Variants in TAFA2 observed in about 807,000 individuals in gnomAD.
TAFA2 encodes chemokine-like protein TAFA-2.
TAFA2 carries 7 observed loss-of-function variants against 18.8 expected under a neutral mutation model. That is an observed-to-expected ratio of 0.37 (90% CI 0.21 to 0.70). The LOEUF is 0.70. Among genes scored for constraint, TAFA2 ranks in the 30% least tolerant of loss-of-function variants. TAFA2 has a pLI of 0.53. For missense variants in TAFA2, 122 were observed against 158.1 expected, an observed-to-expected ratio of 0.77 and a Z score of 1.23; for synonymous variants, 60 against 54.2, an observed-to-expected ratio of 1.11 and a Z score of -0.47.
At chr12:61,949,526 C>T (rs1878393471) in intron 1 of TAFA2, among the ~76,000 whole-genome samples, 1 of 152,172 alleles carries the variant, frequency 6.6e-6, no homozygotes, top group Non-Finnish European at 1.5e-5. Flanking sequence ...AAATGTCATA[C>T]AGCCGGTCAA....
chr12:61,846,948 C>A (rs912679234), intron 2 of TAFA2, among the ~76,000 whole-genome samples: 1 of 152,138 alleles, frequency 6.6e-6, no homozygotes, highest in Non-Finnish European at 1.5e-5. Flanking sequence ...GTGATCATAG[C>A]TTGCAGTCTT....
At chr12:62,083,868 CT>C (rs1450620876) in intron 1 of TAFA2, among the ~76,000 whole-genome samples, 1 of 152,168 alleles carries the variant, frequency 6.6e-6, no homozygotes, top group East Asian at 1.9e-4. Context: ...ATTTATGTGA[CT>C]TTTTTATTTT....
chr12:62,156,943 T>C (rs974707519), intron 1 of TAFA2, among the ~76,000 whole-genome samples: 37 of 152,178 alleles, frequency 2.4e-4, no homozygotes, highest in Admixed American at 2.4e-3. Context: ...AGGCACAGTA[T>C]AATAGGATTT....
chr12:62,081,628 G>A (rs1868326232), intron 1 of TAFA2, among the ~76,000 whole-genome samples: 2 of 151,994 alleles, frequency 1.3e-5, no homozygotes, highest in South Asian at 4.2e-4. Flanking sequence ...GGGACAACAG[G>A]AGCCCGCCAC....
intron 1 of TAFA2, among the ~76,000 whole-genome samples, chr12:62,089,013 A>G (rs570467877): frequency 1.3e-5 from 2 of 152,136 alleles, no homozygotes; most frequent in South Asian, 4.2e-4. Flanking sequence ...CCTTTATCCA[A>G]AGAAGTAGCA....
intron 1 of TAFA2, among the ~76,000 whole-genome samples, chr12:61,871,014 T>C (rs1874578993): frequency 6.6e-6 from 1 of 152,124 alleles, no homozygotes; most frequent in South Asian, 2.1e-4. Flanking sequence ...TGAATGTTGG[T>C]GGTGCCTTAC....
intron 4 of TAFA2, among the ~76,000 whole-genome samples, chr12:61,728,623 T>C (rs755170168): frequency 1.3e-5 from 2 of 151,988 alleles, no homozygotes; most frequent in African/African-American, 2.4e-5. Flanking sequence ...TAAGTCCTTA[T>C]GTGTTAGGTG....
At chr12:62,091,745 G>T (rs891171874) in intron 1 of TAFA2, among the ~76,000 whole-genome samples, 2 of 151,954 alleles carry the variant, frequency 1.3e-5, no homozygotes, top group African/African-American at 4.8e-5. Flanking sequence ...GTCATTCAGT[G>T]ATTTGTCAAA....
Position 62,117,574 on chromosome 12 carries a change from T to C in TAFA2, c.-2+73685A>G, listed in dbSNP as rs1870013971. On this transcript the variant is annotated intron_variant, in intron 1 of 4. Coordinates refer to ENST00000416284, the MANE Select transcript of TAFA2 (RefSeq NM_178539.5). Reference sequence around the variant, plus strand: ...CACTTCAAATGTTCCAAGTATCTTATCTGTATTAAAACTGGTTTCAGTACT... The same window carrying C: ...CACTTCAAATGTTCCAAGTATCTTACCTGTATTAAAACTGGTTTCAGTACT... Among the ~76,000 whole-genome samples, 3 of 152,192 alleles carry C rather than the reference T, an allele frequency of 2.0e-5. No homozygotes were observed. In the South Asian group the frequency reaches 6.2e-4, roughly 31 times the overall value.
intron 1 of TAFA2, among the ~76,000 whole-genome samples, chr12:62,109,017 C>T (rs1390561164): frequency 2.6e-5 from 4 of 152,150 alleles, no homozygotes; most frequent in Non-Finnish European, 5.9e-5. Context: ...GCTTTTGTTG[C>T]CATTGCTTTT....
intron 1 of TAFA2, among the ~76,000 whole-genome samples, chr12:61,931,438 C>T (rs1057329501): frequency 6.6e-6 from 1 of 152,190 alleles, no homozygotes; most frequent in Non-Finnish European, 1.5e-5. Flanking sequence ...TGGCACTGGC[C>T]AGCTGCTGTG....
intron 1 of TAFA2, among the ~76,000 whole-genome samples, chr12:62,201,394 A>G (rs2062670200): frequency 6.6e-6 from 1 of 152,160 alleles, no homozygotes; most frequent in Non-Finnish European, 1.5e-5. Context: ...GGTTCTTTTT[A>G]TTTTGAGGTA....
chr12:61,740,856 G>GAAAA (rs375897192), intron 4 of TAFA2, among the ~76,000 whole-genome samples: 1 of 143,516 alleles, frequency 7.0e-6, no homozygotes, highest in Non-Finnish European at 1.5e-5. Context: ...TACTTAATAG[G>GAAAA]AAAAAAAAAA....
At chr12:61,922,957 G>A (rs79448364) in intron 1 of TAFA2, among the ~76,000 whole-genome samples, 10,784 of 152,168 alleles carry the variant, frequency 0.071, 1,240 homozygotes, top group African/African-American at 0.24. Context: ...GATCTTCCCC[G>A]ACAGCGTAAA....
chr12:62,230,027 T>C (rs1422118036), intron 1 of TAFA2, among the ~76,000 whole-genome samples: 1 of 152,130 alleles, frequency 6.6e-6, no homozygotes, highest in Non-Finnish European at 1.5e-5. Context: ...TAGGTGTTCA[T>C]AATAGTCTTT....
chr12:61,955,628 AAAAAATATATATATATATATATATAT>A (rs1456699828), intron 1 of TAFA2, among the ~76,000 whole-genome samples: 45 of 18,796 alleles, frequency 2.4e-3, no homozygotes, highest in Admixed American at 3.8e-3. Context: ...AAAAAAAAAA[AAAAAATATATATATATATATATATAT>A]ATATATATAT....
rs565201154 is a variant in TAFA2, at chr12:62,052,839, G to C, written c.-2+138420C>G. On this transcript the variant is annotated intron_variant, in intron 1 of 4. Coordinates refer to ENST00000416284, the MANE Select transcript of TAFA2 (RefSeq NM_178539.5). ...CGATATTTATTGTTTGCTAAATAAAGAGTGCAAGTTTAAAATCAGTAAGAT... is the reference window on the plus strand; with the variant it reads ...CGATATTTATTGTTTGCTAAATAAACAGTGCAAGTTTAAAATCAGTAAGAT... Among the ~76,000 whole-genome samples, 8 of 152,306 alleles carry C rather than the reference G, an allele frequency of 5.3e-5. No individual in the cohort carries two copies. The South Asian group carries it at 1.5e-3, about 28-fold the overall frequency.
intron 1 of TAFA2, among the ~76,000 whole-genome samples, chr12:61,885,805 G>A (rs1045542818): frequency 6.6e-6 from 1 of 152,156 alleles, no homozygotes; most frequent in East Asian, 1.9e-4. Flanking sequence ...GTGAGTGTCG[G>A]TGTTACATCA....
intron 1 of TAFA2, among the ~76,000 whole-genome samples, chr12:62,144,651 A>C (rs2062268154): frequency 6.6e-6 from 1 of 152,174 alleles, no homozygotes; most frequent in African/African-American, 2.4e-5. Flanking sequence ...TAAGATACAA[A>C]CATTCAGATT....
Sources: gnomAD v4.1 joint callset for allele counts (sites outside exome capture counted in the v4.1 genomes callset) on GRCh38, gnomAD v4.1.1 for gene constraint, MANE v1.5 for transcripts, NCBI Gene and HGNC (gene_info 2026-07-23, HGNC 2026-07-21) for gene names.